KCNMB2: variants seen among roughly 807,000 people sequenced by gnomAD.
KCNMB2 encodes calcium-activated potassium channel subunit beta-2.
In KCNMB2, 9 loss-of-function variants were observed where a neutral mutation model predicts 24.5. The ratio of observed to expected loss-of-function variants is 0.37; its 90% CI spans 0.22 to 0.64. The LOEUF (loss-of-function observed/expected upper bound fraction) is 0.64, where lower values mean the gene tolerates loss of function less well. Ranked by LOEUF, KCNMB2 falls within the 30% of genes least tolerant of loss-of-function variation. The probability of loss-of-function intolerance (pLI) is 0.63; values close to 1 mark genes in which losing one functional copy is unlikely to be tolerated. For synonymous variants in KCNMB2, 109 were observed against 104.4 expected (o/e 1.04, Z -0.27); for missense variants, 226 against 284.3 (o/e 0.79, Z 1.47).
chr3:178,683,975 G>A (rs1274585852), intron 1 of KCNMB2, among the ~76,000 whole-genome samples: 2 of 152,110 alleles, frequency 1.3e-5, no homozygotes, highest in East Asian at 1.9e-4. Context: ...CAGAGTAAAT[G>A]AGAAGTGGAG....
chr3:178,774,447 T>C (rs1712497273), intron 1 of KCNMB2, among the ~76,000 whole-genome samples: 1 of 152,226 alleles, frequency 6.6e-6, no homozygotes, highest in African/African-American at 2.4e-5. Flanking sequence ...CCATTAAATC[T>C]AGAGCAGGTG....
intron 1 of KCNMB2, among the ~76,000 whole-genome samples, chr3:178,673,204 T>C (rs1181268481): frequency 1.3e-5 from 2 of 152,142 alleles, no homozygotes; most frequent in Non-Finnish European, 2.9e-5. Context: ...AACTCTCCAC[T>C]TAATCTGTGC....
At chr3:178,733,706 C>G (rs1723227684) in intron 1 of KCNMB2, among the ~76,000 whole-genome samples, 1 of 152,090 alleles carries the variant, frequency 6.6e-6, no homozygotes, top group Non-Finnish European at 1.5e-5. Flanking sequence ...GTCTTGATCT[C>G]CTGACCTCGT....
chr3:178,592,456 C>T (rs961790797), intron 1 of KCNMB2, among the ~76,000 whole-genome samples: 8 of 151,886 alleles, frequency 5.3e-5, no homozygotes, highest in East Asian at 3.9e-4. Flanking sequence ...AGGAATGATG[C>T]GTATGTGTAA....
At chr3:178,610,096 A>G (rs1718428426) in intron 1 of KCNMB2, among the ~76,000 whole-genome samples, 1 of 151,882 alleles carries the variant, frequency 6.6e-6, no homozygotes, top group Admixed American at 6.6e-5. Context: ...AGGTGTGTGG[A>G]TTTGTTTCTG....
chr3:178,687,739 C>T (rs901673385), intron 1 of KCNMB2, among the ~76,000 whole-genome samples: 1 of 152,012 alleles, frequency 6.6e-6, no homozygotes, highest in African/African-American at 2.4e-5. Flanking sequence ...AATTTTGACA[C>T]TTTTAGTACT....
chr3:178,796,120 C>A (rs1011600283), intron 1 of KCNMB2, among the ~76,000 whole-genome samples: 1 of 151,854 alleles, frequency 6.6e-6, no homozygotes, highest in Non-Finnish European at 1.5e-5. Context: ...GAAAAATAAA[C>A]CAGCTTACAG....
intron 2 of KCNMB2, among the ~76,000 whole-genome samples, chr3:178,820,340 C>T (rs1437826632): frequency 6.6e-6 from 1 of 152,228 alleles, no homozygotes; most frequent in East Asian, 1.9e-4. Flanking sequence ...ACTGACATCT[C>T]ACTCAGCTCC....
intron 1 of KCNMB2, among the ~76,000 whole-genome samples, chr3:178,722,822 G>A (rs1253123611): frequency 2.0e-5 from 3 of 152,146 alleles, no homozygotes; most frequent in Admixed American, 6.5e-5. Flanking sequence ...GAGCCCTGGG[G>A]GCGGAGGTTG....
intron 1 of KCNMB2, among the ~76,000 whole-genome samples, chr3:178,686,885 G>C (rs1244191829): frequency 6.6e-6 from 1 of 151,212 alleles, no homozygotes; most frequent in Middle Eastern, 3.4e-3. Flanking sequence ...AACAAATCAT[G>C]TTCCAACCAA....
chr3:178,742,581 T>C (rs1386539211), intron 1 of KCNMB2, among the ~76,000 whole-genome samples: 2 of 152,190 alleles, frequency 1.3e-5, no homozygotes, highest in Non-Finnish European at 2.9e-5. Context: ...TAAGCCCTAA[T>C]AAAGCAAGTC....
chr3:178,745,261 T>C (rs1451811699), intron 1 of KCNMB2, among the ~76,000 whole-genome samples: 1 of 152,176 alleles, frequency 6.6e-6, no homozygotes, highest in African/African-American at 2.4e-5. Context: ...CTCACAATCA[T>C]GGCAGAAGGC....
At chr3:178,590,213 T>C (rs893187677) in intron 1 of KCNMB2, among the ~76,000 whole-genome samples, 3 of 152,186 alleles carry the variant, frequency 2.0e-5, no homozygotes, top group African/African-American at 7.2e-5. Context: ...TGGAAGGTCA[T>C]AGTGACAAAT....
In KCNMB2 at chr3:178,568,850, T is replaced by C. The variant is rs201085673; in HGVS notation, c.-68+32139T>C. Among the ~76,000 whole-genome samples, 5 of 108,058 alleles carry C rather than the reference T, an allele frequency of 4.6e-5. 1 individual carries two copies. The highest frequency in any genetic ancestry group is 6.0e-5 in the Non-Finnish European group (3 of 50,408). 70.9% of individuals were successfully genotyped at this position (108,058 alleles called of 152,430 possible). A position where few individuals can be genotyped will look rare whatever the true frequency, so the allele number is the denominator to read the frequency against. On this transcript the variant is annotated intron_variant, in intron 1 of 4. Coordinates refer to ENST00000452583, the MANE Select transcript of KCNMB2 (RefSeq NM_181361.3). ...GATAGATGATAGATAGATAGATAGATAGATGATAGATAGATAGATAGATAG... is the reference window on the plus strand; with the variant it reads ...GATAGATGATAGATAGATAGATAGACAGATGATAGATAGATAGATAGATAG...
chr3:178,794,842 G>A (rs1029526810), intron 1 of KCNMB2, among the ~76,000 whole-genome samples: 10 of 152,214 alleles, frequency 6.6e-5, no homozygotes, highest in African/African-American at 2.4e-4. Context: ...TATAGTTGGA[G>A]TGTGGTAAGG....
intron 1 of KCNMB2, among the ~76,000 whole-genome samples, chr3:178,782,880 G>A (rs1200349483): frequency 6.6e-6 from 1 of 151,526 alleles, no homozygotes; most frequent in Non-Finnish European, 1.5e-5. Flanking sequence ...CCTATGTCCT[G>A]AATGGTAATG....
chr3:178,754,686 T>C (rs1473432721), intron 1 of KCNMB2, among the ~76,000 whole-genome samples: 5 of 152,140 alleles, frequency 3.3e-5, no homozygotes, highest in Non-Finnish European at 1.5e-5. Flanking sequence ...TTCTCTAATC[T>C]GACGTTTATA....
chr3:178,756,897 G>A (rs1560004410), intron 1 of KCNMB2, among the ~76,000 whole-genome samples: 2 of 151,780 alleles, frequency 1.3e-5, no homozygotes, highest in Non-Finnish European at 2.9e-5. Flanking sequence ...GCTTTCCTGA[G>A]CTTAAAAACA....
chr3:178,607,195 A>G (rs1341832257), intron 1 of KCNMB2, among the ~76,000 whole-genome samples: 1 of 152,164 alleles, frequency 6.6e-6, no homozygotes, highest in Non-Finnish European at 1.5e-5. Context: ...TAGAAACTTA[A>G]TGGTGATTCG....
Sources: gnomAD v4.1 joint callset for allele counts (sites outside exome capture counted in the v4.1 genomes callset) on GRCh38, gnomAD v4.1.1 for gene constraint, MANE v1.5 for transcripts, NCBI Gene and HGNC (gene_info 2026-07-23, HGNC 2026-07-21) for gene names.